The following TPD52L1 variants were observed in gnomAD, a reference collection of about 807,000 sequenced individuals.
TPD52L1 encodes the protein tumor protein D53.
In TPD52L1, 18 loss-of-function variants were observed where a neutral mutation model predicts 28.7. The ratio of observed to expected loss-of-function variants is 0.63; its 90% CI spans 0.43 to 0.93. The LOEUF (loss-of-function observed/expected upper bound fraction) is 0.93. Among genes scored for constraint, TPD52L1 ranks in the 40% least tolerant of loss-of-function variants. The probability of loss-of-function intolerance (pLI) is 0.00; values close to 1 mark genes in which losing one functional copy is unlikely to be tolerated. For synonymous variants in TPD52L1, 75 were observed against 88.8 expected, an observed-to-expected ratio of 0.84 and a Z score of 0.88; for missense variants, 203 against 254.8, an observed-to-expected ratio of 0.80 and a Z score of 1.39.
chr6:125,262,526 A>G (rs2024971), intron 6 of TPD52L1: 88,197 of 216,758 alleles, frequency 0.41, 19,556 homozygotes, highest in East Asian at 0.61. Flanking sequence ...GGGTGAGTGG[A>G]GATAGCTGTT....
intron 2 of TPD52L1, among the ~76,000 whole-genome samples, chr6:125,220,449 C>T (rs146327162): frequency 2.0e-5 from 3 of 152,222 alleles, no homozygotes; most frequent in African/African-American, 7.2e-5. Flanking sequence ...TTTAAATATA[C>T]ACTTCTTATT....
intron 2 of TPD52L1, among the ~76,000 whole-genome samples, chr6:125,224,493 C>G (rs1221709432): frequency 6.6e-6 from 1 of 152,122 alleles, no homozygotes; most frequent in African/African-American, 2.4e-5. Flanking sequence ...CTCTCTCTCT[C>G]TCTCAGCTCC....
At chr6:125,259,696 T>A (rs1272355383) in intron 6 of TPD52L1, among the ~76,000 whole-genome samples, 1 of 152,242 alleles carries the variant, frequency 6.6e-6, no homozygotes, top group Non-Finnish European at 1.5e-5. Context: ...TTATATGGCC[T>A]GGACCAAAAC....
chr6:125,248,516 T>C, intron 4 of TPD52L1, 133 bp downstream of exon 4: 1 of 650,350 alleles, frequency 1.5e-6, no homozygotes, highest in Non-Finnish European at 2.6e-6. Context: ...ATATGGCTGA[T>C]ATGATTGATG....
Position 125,228,032 on chromosome 6 carries a change from A to G in TPD52L1, c.136-1086A>G, listed in dbSNP as rs796282193. ...CATTCAATAGAATACTACTCTGCAA[A>G]AAAAGGGGAAGAACCATTGATAATG... On this transcript the variant is annotated intron_variant, in intron 2 of 6. Transcript: ENST00000534000. Among the ~76,000 whole-genome samples, 7 of 152,350 alleles carry G rather than the reference A, an allele frequency of 4.6e-5. No homozygotes were observed. The South Asian group carries it at 8.3e-4, about 18-fold the overall frequency.
At chr6:125,164,127 G>T (rs572159670) in intron 1 of TPD52L1, among the ~76,000 whole-genome samples, 56 of 152,204 alleles carry the variant, frequency 3.7e-4, no homozygotes, top group African/African-American at 1.3e-3. Context: ...CCATTCTATA[G>T]GTACTTTGTA....
intron 2 of TPD52L1, among the ~76,000 whole-genome samples, chr6:125,224,430 C>T (rs772118717): frequency 3.3e-5 from 5 of 151,930 alleles, no homozygotes; most frequent in Non-Finnish European, 5.9e-5. Context: ...CTCAAGCTAA[C>T]GGTGTCTTAC....
At chr6:125,187,133 G>T (rs1311268687) in intron 1 of TPD52L1, among the ~76,000 whole-genome samples, 2 of 152,050 alleles carry the variant, frequency 1.3e-5, no homozygotes, top group East Asian at 1.9e-4. Context: ...AGAAAAATAG[G>T]CAGATAATTT....
intron 1 of TPD52L1, among the ~76,000 whole-genome samples, chr6:125,212,952 T>G (rs1794617080): frequency 6.6e-6 from 1 of 152,212 alleles, no homozygotes; most frequent in South Asian, 2.1e-4. Flanking sequence ...GAAGTGCAAT[T>G]ACTAGATTAT....
intron 1 of TPD52L1, among the ~76,000 whole-genome samples, chr6:125,192,335 TA>T (rs1029292756): frequency 2.4e-4 from 37 of 151,870 alleles, no homozygotes; most frequent in African/African-American, 8.7e-4. Context: ...TTTTTTTTTT[TA>T]TCTGGTGTTG....
intron 1 of TPD52L1, among the ~76,000 whole-genome samples, chr6:125,191,043 A>G (rs977816973): frequency 1.3e-5 from 2 of 152,208 alleles, no homozygotes; most frequent in Non-Finnish European, 2.9e-5. Flanking sequence ...CATATTAACT[A>G]TAGTGATTTG....
intron 1 of TPD52L1, among the ~76,000 whole-genome samples, chr6:125,169,696 A>G (rs1429352377): frequency 6.6e-6 from 1 of 152,068 alleles, no homozygotes; most frequent in African/African-American, 2.4e-5. Context: ...TCCCATGCGC[A>G]TTACTGCAGG....
chr6:125,165,456 GT>G (rs1282289690), intron 1 of TPD52L1, among the ~76,000 whole-genome samples: 1 of 152,148 alleles, frequency 6.6e-6, no homozygotes, highest in Non-Finnish European at 1.5e-5. Flanking sequence ...TGCAGAGGAA[GT>G]GAAGTTCCCA....
chr6:125,192,414 A>G (rs3806999), intron 1 of TPD52L1, among the ~76,000 whole-genome samples: 2 of 151,670 alleles, frequency 1.3e-5, no homozygotes, highest in Non-Finnish European at 2.9e-5. Flanking sequence ...GAGGAGAAAC[A>G]GAGTTGCAGC....
At chr6:125,175,723 G>A (rs930375095) in intron 1 of TPD52L1, among the ~76,000 whole-genome samples, 2 of 152,144 alleles carry the variant, frequency 1.3e-5, no homozygotes, top group Admixed American at 6.6e-5. Context: ...CCAACTCCTA[G>A]CTTCCCCTAT....
At chr6:125,236,230 C>G (rs1796254493) in intron 3 of TPD52L1, among the ~76,000 whole-genome samples, 1 of 152,142 alleles carries the variant, frequency 6.6e-6, no homozygotes, top group South Asian at 2.1e-4. Flanking sequence ...AAATCTTTAA[C>G]ACTGCATTAA....
rs58505448 is a variant in TPD52L1 at position 125,224,470 on chromosome 6, C to CCTCTCT, written c.135+4299_135+4304dup. Among the ~76,000 whole-genome samples the CCTCTCT allele has an allele frequency of 3.6e-3, 520 of 143,364 alleles. 2 individuals carry two copies. Among genetic ancestry groups the CCTCTCT allele is most frequent in the African/African-American group, 0.012 (454 of 39,316 alleles). The allele number at this position is 143,364 out of a possible 152,430, so 94.1% of individuals were successfully genotyped here. On this transcript the variant is annotated intron_variant, in intron 2 of 6. Coordinates refer to ENST00000534000, the MANE Select transcript of TPD52L1 (RefSeq NM_003287.4). ...GCAAAGAAGTGCCTTAGGCTCTGGG[C>CCTCTCT]CTCTCTCTCTCTCTCTCTCTCTCTC... is the stretch of plus-strand genomic sequence containing the variant.
chr6:125,207,882 T>A (rs1794249945), intron 1 of TPD52L1, among the ~76,000 whole-genome samples: 1 of 152,208 alleles, frequency 6.6e-6, no homozygotes, highest in Non-Finnish European at 1.5e-5. Flanking sequence ...TTTATAGTGC[T>A]TGATGCCACC....
intron 4 of TPD52L1, among the ~76,000 whole-genome samples, chr6:125,250,069 C>G (rs1409436211): frequency 3.9e-5 from 6 of 152,124 alleles, no homozygotes; most frequent in Admixed American, 2.6e-4. Flanking sequence ...ATTAAATAAT[C>G]CTTTAAAATA....
Sources: gnomAD v4.1 joint callset for allele counts (sites outside exome capture counted in the v4.1 genomes callset) on GRCh38, gnomAD v4.1.1 for gene constraint, MANE v1.5 for transcripts, NCBI Gene and HGNC (gene_info 2026-07-23, HGNC 2026-07-21) for gene names.